Variants in ZNF438 observed in about 807,000 individuals in gnomAD.
ZNF438 encodes the protein zinc finger protein 438.
A neutral mutation model predicts 38.0 loss-of-function variants in ZNF438; 25 were observed. That is an observed-to-expected ratio of 0.66 (90% confidence interval 0.48 to 0.92). The LOEUF (loss-of-function observed/expected upper bound fraction) is 0.92. Ranked by LOEUF, ZNF438 falls within the 40% of genes least tolerant of loss-of-function variation. The pLI, the probability that ZNF438 is intolerant of heterozygous loss-of-function variation, is 0.00. For missense variants in ZNF438, 1,007 were observed against 999.6 expected, an observed-to-expected ratio of 1.01 and a Z score of -0.10; for synonymous variants, 372 against 364.1, an observed-to-expected ratio of 1.02 and a Z score of -0.25.
At chr10:30,984,005 T>C (rs2052502492) in intron 1 of ZNF438, among the ~76,000 whole-genome samples, 1 of 152,208 alleles carries the variant, frequency 6.6e-6, no homozygotes, top group African/African-American at 2.4e-5. Context: ...ATATTTCACC[T>C]GTTTTTCTAC....
At chr10:31,024,499 G>A (rs1311565126) in intron 1 of ZNF438, among the ~76,000 whole-genome samples, 1 of 152,186 alleles carries the variant, frequency 6.6e-6, no homozygotes, top group Non-Finnish European at 1.5e-5. Flanking sequence ...TTGGTGGCGG[G>A]TGCCTGCAGT....
chr10:31,012,334 A>G (rs374413031), intron 1 of ZNF438, among the ~76,000 whole-genome samples: 62 of 152,114 alleles, frequency 4.1e-4, no homozygotes, highest in Admixed American at 1.3e-3. Context: ...AGTGTTAGCC[A>G]GGATGGTCTC....
chr10:30,947,442 G>A, intron 1 of ZNF438, among the ~76,000 whole-genome samples: 1 of 152,266 alleles, frequency 6.6e-6, no homozygotes, highest in Non-Finnish European at 1.5e-5. Context: ...GTCAGACAGG[G>A]ACATTTAAGT....
At chr10:30,960,172 T>C (rs941180002) in intron 1 of ZNF438, among the ~76,000 whole-genome samples, 2 of 147,568 alleles carry the variant, frequency 1.4e-5, no homozygotes, top group African/African-American at 4.9e-5. Flanking sequence ...ATGTTTTGGA[T>C]ACAAGTCCTT....
chr10:30,848,816 G>T (rs940740353), exon 5 of ZNF438: 4 of 1,614,128 alleles, frequency 2.5e-6, no homozygotes, highest in Non-Finnish European at 8.5e-7. Context: ...GCGTCTGTTG[G>T]TGTGTGTATT....
In ZNF438 at chr10:30,933,665, G is replaced by A. The variant is rs185739696; in HGVS notation, c.-115+7910C>T. Among the ~76,000 whole-genome samples, 338 of 152,220 alleles carry A rather than the reference G, an allele frequency of 2.2e-3. 2 individuals carry two copies. The highest frequency in any genetic ancestry group is 3.5e-3 in the Admixed American group (54 of 15,294). On this transcript the variant is annotated intron_variant, in intron 2 of 5. Coordinates refer to ENST00000413025, the Ensembl canonical transcript of ZNF438. ...AAAAAACATTACGCAGGCTATGCAGGCTACAGAAAACACATTTATAAACCA... is the reference window on the plus strand; with the variant it reads ...AAAAAACATTACGCAGGCTATGCAGACTACAGAAAACACATTTATAAACCA...
chr10:30,943,941 A>G (rs1407217608), intron 1 of ZNF438, among the ~76,000 whole-genome samples: 2 of 152,164 alleles, frequency 1.3e-5, no homozygotes, highest in Non-Finnish European at 2.9e-5. Flanking sequence ...AAGTGAAGGG[A>G]AAAGAGTTAT....
At position 30,960,295 on chromosome 10, in the gene ZNF438, A is replaced by T. The variant is rs1034058805; in HGVS notation, c.-191-18644T>A. Among the ~76,000 whole-genome samples, 3 of 147,080 alleles carry T rather than the reference A, an allele frequency of 2.0e-5. 1 individual carries two copies. Among genetic ancestry groups the T allele is most frequent in the Non-Finnish European group, 4.6e-5 (3 of 64,900 alleles). On this transcript the variant is annotated intron_variant, in intron 1 of 5. Coordinates refer to ENST00000413025, the Ensembl canonical transcript of ZNF438. ...TAATTTTAATTAAGTCAAATTCATC[A>T]ATTTTTTATCTTATGGCTCATGCTT...
chr10:31,000,062 C>A (rs369216192), intron 1 of ZNF438, among the ~76,000 whole-genome samples: 2 of 152,076 alleles, frequency 1.3e-5, no homozygotes, highest in Admixed American at 1.3e-4. Context: ...ACTTTTATGT[C>A]GGCAACGAAA....
chr10:30,907,409 A>AT, intron 3 of ZNF438, among the ~76,000 whole-genome samples: 1 of 152,084 alleles, frequency 6.6e-6, no homozygotes, highest in East Asian at 1.9e-4. Context: ...CTCCTCTTGT[A>AT]TTTTTTGGAG....
intron 4 of ZNF438, among the ~76,000 whole-genome samples, chr10:30,872,425 CAAAAAAAAA>C (rs566401687): frequency 6.5e-4 from 38 of 58,672 alleles, no homozygotes; most frequent in African/African-American, 2.2e-3. Context: ...GACTCTGTCT[CAAAAAAAAA>C]AAAAAAAAAA....
chr10:30,993,549 T>C (rs2053726657), intron 1 of ZNF438, among the ~76,000 whole-genome samples: 1 of 152,104 alleles, frequency 6.6e-6, no homozygotes, highest in Non-Finnish European at 1.5e-5. Flanking sequence ...TTCACCTAGA[T>C]TTCAAAGGAT....
chr10:30,995,786 C>T (rs2053987478), intron 1 of ZNF438, among the ~76,000 whole-genome samples: 1 of 151,984 alleles, frequency 6.6e-6, no homozygotes, highest in Non-Finnish European at 1.5e-5. Flanking sequence ...GAAAATGACC[C>T]CAGAGCTAAC....
chr10:30,941,414 T>A (rs2046810078), intron 2 of ZNF438, among the ~76,000 whole-genome samples, 161 bp downstream of exon 3: 1 of 152,134 alleles, frequency 6.6e-6, no homozygotes, highest in South Asian at 2.1e-4. Flanking sequence ...TAATAAGAAA[T>A]CATCTTTCCA....
At chr10:30,915,697 G>A (rs2043549979) in intron 2 of ZNF438, among the ~76,000 whole-genome samples, 1 of 152,126 alleles carries the variant, frequency 6.6e-6, no homozygotes, top group South Asian at 2.1e-4. Context: ...TTAAGATCTA[G>A]ATATTAGCCA....
intron 3 of ZNF438, among the ~76,000 whole-genome samples, chr10:30,891,233 T>C (rs1004322955): frequency 6.6e-6 from 1 of 152,214 alleles, no homozygotes; most frequent in Admixed American, 6.5e-5. Context: ...TCTCTTTTTT[T>C]CCCCCTTGAA....
At chr10:30,998,998 A>G (rs574710099) in intron 1 of ZNF438, among the ~76,000 whole-genome samples, 1 of 152,338 alleles carries the variant, frequency 6.6e-6, no homozygotes, top group South Asian at 2.1e-4. Flanking sequence ...CGGAAAATCA[A>G]CACTGTAGCC....
At chr10:30,924,288 G>A (rs566760323) in intron 2 of ZNF438, among the ~76,000 whole-genome samples, 114 of 152,282 alleles carry the variant, frequency 7.5e-4, no homozygotes, top group Admixed American at 2.2e-3. Context: ...TGCTGCAGCC[G>A]AGGAGATGGG....
rs2047556233 is a variant in ZNF438, at chr10:30,947,478, G to C, written c.-191-5827C>G. ...CTGCAGAGGTTACTGCTGTCTTTTT[G>C]TTTGTCTGTGCCCTGCCCCCAGAGG... is the stretch of plus-strand genomic sequence containing the variant. On this transcript the variant is annotated intron_variant, in intron 1 of 5. Transcript: ENST00000413025. Among the ~76,000 whole-genome samples the C allele has an allele frequency of 4.6e-5, 7 of 152,366 alleles. No homozygotes were observed. In the South Asian group the frequency reaches 1.4e-3, roughly 32 times the overall value.
Sources: allele counts gnomAD v4.1 joint callset (sites outside exome capture counted in the v4.1 genomes callset), GRCh38; gene constraint gnomAD v4.1.1; transcripts MANE v1.5; gene names NCBI Gene and HGNC (gene_info 2026-07-23, HGNC 2026-07-21).